GAS2L2: variants seen among roughly 807,000 people sequenced by gnomAD.
GAS2L2 encodes GAS2-like protein 2.
A neutral mutation model predicts 35.2 loss-of-function variants in GAS2L2; 21 were observed. The ratio of observed to expected loss-of-function variants is 0.60; its 90% CI spans 0.42 to 0.86. The LOEUF is 0.86. Among genes scored for constraint, GAS2L2 ranks in the 40% least tolerant of loss-of-function variants. The pLI is 0.00. For missense variants in GAS2L2, 1,169 were observed against 1,144.4 expected, an observed-to-expected ratio of 1.02 and a Z score of -0.31; for synonymous variants, 490 against 473.2, an observed-to-expected ratio of 1.04 and a Z score of -0.46.
At chr17:35,752,173 T>A (rs12150303) in intron 1 of GAS2L2, among the ~76,000 whole-genome samples, 1 of 152,188 alleles carries the variant, frequency 6.6e-6, no homozygotes, top group Non-Finnish European at 1.5e-5. Flanking sequence ...GGGCGCTGGG[T>A]CTCTTTCCTC....
At position 35,747,939 on chromosome 17, in the gene GAS2L2, G is replaced by A. The variant is rs587627832; in HGVS notation, c.742C>T (p.Arg248Trp). 2.0e-5 allele frequency: 32 copies of A among 1,613,242 alleles called. 1 individual carries two copies. The highest frequency in any genetic ancestry group is 1.1e-4 in the South Asian group (10 of 91,036). Reference protein sequence around the residue: ...SNTLIFIRILRNHVMVRVGGG... With the variant: ...SNTLIFIRILWNHVMVRVGGG... ...CCTACACGTACCATCACATGGTTCC[G>A]GAGGATCTGAGGGGGCAAGGGTGAG... is the stretch of plus-strand genomic sequence containing the variant. The change falls in exon 4 of 6, where the codon CGG becomes TGG. Residue 248 changes from arginine to tryptophan, a missense_variant. Transcript: ENST00000604641.
chr17:35,747,781 C>T, intron 4 of GAS2L2, 68 bp downstream of exon 4: 1 of 1,325,528 alleles, frequency 7.5e-7, no homozygotes, highest in Non-Finnish European at 1.1e-6. Flanking sequence ...CCTCTGCCTC[C>T]AGCCTCCCAA....
At chr17:35,746,990 G>A in intron 5 of GAS2L2, 26 bp downstream of exon 5, 1 of 1,517,482 alleles carries the variant, frequency 6.6e-7, no homozygotes, top group East Asian at 2.3e-5. Context: ...AGGAAAAAGA[G>A]CCCCATCCCT....
At chr17:35,750,421 C>T (rs2085697097) in intron 1 of GAS2L2, 103 bp from the exon 2 acceptor site, 5 of 1,488,602 alleles carry the variant, frequency 3.4e-6, no homozygotes, top group Non-Finnish European at 4.6e-6. Flanking sequence ...TGGGGTCATC[C>T]CCGGTCTGGG....
chr17:35,749,578 T>C (rs1245126749), intron 2 of GAS2L2, among the ~76,000 whole-genome samples: 2 of 152,228 alleles, frequency 1.3e-5, no homozygotes, highest in East Asian at 3.8e-4. Context: ...CTAATTGCTG[T>C]GAAGTGGCCC....
rs1317517763 is a variant in GAS2L2 at position 35,745,913 on chromosome 17, C to T, written c.1584G>A (p.Arg528=). Reference sequence around the variant, plus strand: ...GGATGGGGTCTCTCCCAAGTTCTGTCCTGGGACTTCCACTTGTAGCACCAG... The same window carrying T: ...GGATGGGGTCTCTCCCAAGTTCTGTTCTGGGACTTCCACTTGTAGCACCAG... ...SFPGATSGSP[R]TELGRDPIPL... is the part of the protein sequence containing the mutation. The change falls in exon 6 of 6, where the codon AGG becomes AGA. Residue 528 remains arginine, a synonymous_variant. Transcript: ENST00000604641. 1 of 1,612,392 alleles carries T rather than the reference C, an allele frequency of 6.2e-7. No homozygotes were observed. The highest frequency in any genetic ancestry group is 8.5e-7 in the Non-Finnish European group (1 of 1,179,406).
In GAS2L2 at chr17:35,745,808, C is replaced by G. The variant is rs1555598839; in HGVS notation, c.1689G>C (p.Gln563His). The change falls in exon 6 of 6, where the codon CAG becomes CAC. Residue 563 changes from glutamine (Q) to histidine (H), a missense_variant. Physicochemically the swap from Gln to His is conservative, Grantham distance 24 (BLOSUM62 0). Around this residue, in one of 3 missense-constraint regions of GAS2L2, gnomAD observed 1,035 missense variants for 976.5 expected, o/e 1.06. Transcript: ENST00000604641. Reference protein sequence around the residue: ...CSVEVRQEDQQLDIQVMAEAR... With the variant: ...CSVEVRQEDQHLDIQVMAEAR... ...CCTCTGCCATGACCTGGATGTCCAG[C>G]TGCTGGTCCTCCTGCCTCACTTCCA... 1 of 1,613,848 alleles carries G rather than the reference C, an allele frequency of 6.2e-7. No homozygotes were observed. Among genetic ancestry groups the G allele is most frequent in the South Asian group, 1.1e-5 (1 of 91,092 alleles).
chr17:35,751,881 G>A (rs1435138321), intron 1 of GAS2L2, among the ~76,000 whole-genome samples: 3 of 106,336 alleles, frequency 2.8e-5, no homozygotes, highest in African/African-American at 1.2e-4. Flanking sequence ...TTTTGAGACA[G>A]ACTCTCACTC....
In GAS2L2 at chr17:35,749,226, G is replaced by C. The variant is rs782176095; in HGVS notation, c.628-9C>G. 1 of 1,595,646 alleles carries C rather than the reference G, an allele frequency of 6.3e-7. No individual in the cohort carries two copies. The highest frequency in any genetic ancestry group is 1.7e-5 in the Admixed American group (1 of 59,720). On this transcript the variant is annotated splice_polypyrimidine_tract_variant and intron_variant, in intron 2 of 5. Coordinates refer to ENST00000604641, the MANE Select transcript of GAS2L2 (RefSeq NM_139285.4). Reference sequence around the variant, plus strand: ...CTCACAAGGCTCTGCACCTGCGGGCGGGTGGTGAACTCAGCCCTCTCCTTT... The same window carrying C: ...CTCACAAGGCTCTGCACCTGCGGGCCGGTGGTGAACTCAGCCCTCTCCTTT...
rs782275638 is a variant in GAS2L2, at chr17:35,746,276, G to A, written c.1221C>T (p.Tyr407=). The change falls in exon 6 of 6, where the codon TAC becomes TAT. Residue 407 remains tyrosine (Y), a synonymous_variant. Transcript: ENST00000604641. ...TCCTTCCCCTGGGGAGTTCAGGGGG[G>A]TATCTCTCCTCCCTCTTTCCTGACG... ...CTSSGKREER[Y]PPELPRGRIP... 6.9e-7 allele frequency: 1 copy of A among 1,447,528 alleles called. No homozygotes were observed. The highest frequency in any genetic ancestry group is 1.9e-4 in the Middle Eastern group (1 of 5,386). 89.7% of individuals were successfully genotyped at this position (1,447,528 alleles called of 1,614,324 possible). A position where few individuals can be genotyped will look rare whatever the true frequency, so the allele number is the denominator to read the frequency against.
rs2143022011 is a variant in GAS2L2, at chr17:35,749,210, C to T, written c.635G>A (p.Ser212Asn). 6.2e-7 allele frequency: 1 copy of T among 1,612,114 alleles called. No homozygotes were observed. Among genetic ancestry groups the T allele is most frequent in the Non-Finnish European group, 8.5e-7 (1 of 1,178,680 alleles). Residue 212 changes from serine (S) to asparagine (N), a missense_variant, in exon 3 of 6, where the codon AGC becomes AAC. Physicochemically the swap from Ser to Asn is conservative, Grantham distance 46. This residue lies in a region of GAS2L2 where 1,035 missense variants were observed against 976.5 expected (regional missense o/e 1.06). Coordinates refer to ENST00000604641, the MANE Select transcript of GAS2L2 (RefSeq NM_139285.4). ...HFRNLDQMVQ[S>N]LVSHCTCPVQ... is the part of the protein sequence containing the mutation. Reference sequence around the variant, plus strand: ...TGGGCACGTGCAGTGGCTCACAAGGCTCTGCACCTGCGGGCGGGTGGTGAA... The same window carrying T: ...TGGGCACGTGCAGTGGCTCACAAGGTTCTGCACCTGCGGGCGGGTGGTGAA...
intron 1 of GAS2L2, 64 bp downstream of exon 1, chr17:35,752,402 G>C (rs1280525350): frequency 4.0e-6 from 6 of 1,481,854 alleles, no homozygotes; most frequent in East Asian, 4.6e-5. Flanking sequence ...CTGTGCATTT[G>C]AGAAAGGACC....
chr17:35,744,999 G>C lies in GAS2L2; in HGVS notation c.2498C>G (p.Ala833Gly), dbSNP rs369724181. The C allele has an allele frequency of 6.2e-7, 1 of 1,614,060 alleles. No homozygotes were observed. Among genetic ancestry groups the C allele is most frequent in the Non-Finnish European group, 8.5e-7 (1 of 1,180,028 alleles). Residue 833 changes from alanine to glycine, a missense_variant, in exon 6 of 6, where the codon GCT becomes GGT. Coordinates refer to ENST00000604641, the MANE Select transcript of GAS2L2 (RefSeq NM_139285.4). ...TTCCTCCTCCTCCTCACCTACTGAAGCTCCATCCACCCGGGATGCCTCCCC... is the reference window on the plus strand; with the variant it reads ...TTCCTCCTCCTCCTCACCTACTGAACCTCCATCCACCCGGGATGCCTCCCC... ...KGGEASRVDGASVGEEEEEGK... is the reference protein window; with the variant it reads ...KGGEASRVDGGSVGEEEEEGK...
chr17:35,746,864 C>T (rs2143021679), intron 5 of GAS2L2, 152 bp downstream of exon 5: 4 of 705,220 alleles, frequency 5.7e-6, no homozygotes, highest in Middle Eastern at 3.4e-4. Context: ...CACATTATCC[C>T]AAAGGTACTG....
Position 35,745,351 on chromosome 17 carries a change from T to C in GAS2L2, c.2146A>G (p.Met716Val). 6.2e-7 allele frequency: 1 copy of C among 1,604,852 alleles called. No homozygotes were observed. The highest frequency in any genetic ancestry group is 8.5e-7 in the Non-Finnish European group (1 of 1,174,686). Residue 716 changes from methionine (M) to valine (V), a missense_variant, in exon 6 of 6, where the codon ATG (methionine) becomes GTG (valine). Around this residue, in one of 3 missense-constraint regions of GAS2L2, gnomAD observed 1,035 missense variants for 976.5 expected, o/e 1.06. Transcript: ENST00000604641. ...KASLSAKGTH[M>V]RKVPPQGGQD... ...CCTCCCTGAGGTGGGACCTTCCTCA[T>C]GTGGGTGCCCTTGGCACTCAGGCTT...
chr17:35,749,312 C>T (rs1555599443), intron 2 of GAS2L2, 95 bp from the exon 3 acceptor site: 4 of 722,280 alleles, frequency 5.5e-6, no homozygotes, highest in Non-Finnish European at 9.4e-6. Flanking sequence ...GAGGTTTCTG[C>T]TGAGGTCAGA....
Position 35,745,013 on chromosome 17 carries a change from G to A in GAS2L2, c.2484C>T (p.Ser828=). The A allele has an allele frequency of 6.2e-7, 1 of 1,614,060 alleles. No homozygotes were observed. Among genetic ancestry groups the A allele is most frequent in the South Asian group, 1.1e-5 (1 of 91,074 alleles). ...AVLGSKGGEA[S]RVDGASVGEE... ...CACCTACTGAAGCTCCATCCACCCG[G>A]GATGCCTCCCCTCCCTTGCTGCCCA... The change falls in exon 6 of 6, where the codon TCC becomes TCT. Residue 828 remains serine, a synonymous_variant. Coordinates refer to ENST00000604641, the MANE Select transcript of GAS2L2 (RefSeq NM_139285.4).
At chr17:35,751,767 C>T (rs2085704635) in intron 1 of GAS2L2, among the ~76,000 whole-genome samples, 1 of 151,712 alleles carries the variant, frequency 6.6e-6, no homozygotes, top group African/African-American at 2.4e-5. Context: ...CCCCTGGCTC[C>T]CAGCATTACA....
chr17:35,747,122 T>C lies in GAS2L2; in HGVS notation c.979A>G (p.Thr327Ala), dbSNP rs2143021718. The C allele has an allele frequency of 6.2e-7, 1 of 1,613,486 alleles. No individual in the cohort carries two copies. Among genetic ancestry groups the C allele is most frequent in the South Asian group, 1.1e-5 (1 of 91,060 alleles). Residue 327 changes from threonine to alanine, a missense_variant, in exon 5 of 6, where the codon ACC (threonine) becomes GCC (alanine). Physicochemically the swap from Thr to Ala is moderately conservative, Grantham distance 58. Around this residue, in one of 3 missense-constraint regions of GAS2L2, gnomAD observed 1,035 missense variants for 976.5 expected, o/e 1.06. Coordinates refer to ENST00000604641, the MANE Select transcript of GAS2L2 (RefSeq NM_139285.4). ...PPPPVDWKTYTSSDRRLRPPT... is the reference protein window; with the variant it reads ...PPPPVDWKTYASSDRRLRPPT... ...GGCCTCAGCCTTCGGTCTGAAGAGG[T>C]ATATGTCTTCCAGTCCACAGGGGGT... is the stretch of plus-strand genomic sequence containing the variant.
Sources: gnomAD v4.1 joint callset for allele counts (sites outside exome capture counted in the v4.1 genomes callset) on GRCh38, gnomAD v4.1.1 for gene constraint, gnomAD v4.1.1 regional missense constraint, MANE v1.5 for transcripts, NCBI Gene and HGNC (gene_info 2026-07-23, HGNC 2026-07-21) for gene names.